Variants in STK10 observed in about 807,000 individuals in gnomAD.
The protein encoded by STK10 is serine/threonine kinase 10.
In STK10, 78 loss-of-function variants were observed where a neutral mutation model predicts 113.8. The ratio of observed to expected loss-of-function variants is 0.69; its 90% confidence interval spans 0.57 to 0.83. The LOEUF (loss-of-function observed/expected upper bound fraction) is 0.83, where lower values mean the gene tolerates loss of function less well. Ranked by LOEUF, STK10 falls within the 40% of genes least tolerant of loss-of-function variation. The pLI, the probability that STK10 is intolerant of heterozygous loss-of-function variation, is 0.00. For synonymous variants in STK10, 465 were observed against 494.7 expected, an observed-to-expected ratio of 0.94 and a Z score of 0.80; for missense variants, 1,109 against 1,280.1, an observed-to-expected ratio of 0.87 and a Z score of 2.04.
chr5:172,119,589 G>A (rs191662412), intron 3 of STK10, among the ~76,000 whole-genome samples: 1 of 152,222 alleles, frequency 6.6e-6, no homozygotes, highest in Admixed American at 6.5e-5. Flanking sequence ...AATAGGCCAG[G>A]CGCGGTGGCT....
In STK10 at chr5:172,120,972, T is replaced by TGA. The variant is rs1769498593; in HGVS notation, c.371-3344_371-3343dup. On this transcript the variant is annotated intron_variant, in intron 3 of 18. Transcript: ENST00000176763. The surrounding 1 kb of genome is among the most constrained non-coding windows in gnomAD (Gnocchi z 4.0). ...TCATTTAATCCTCGCAGTAACCCAG[T>TGA]GAGGTGGGAAGGAGATACTCTTTAA... Among the ~76,000 whole-genome samples the TGA allele has an allele frequency of 6.6e-6, 1 of 151,932 alleles. No homozygotes were observed. The highest frequency in any genetic ancestry group is 6.6e-5 in the Admixed American group (1 of 15,236).
chr5:172,083,925 G>GAAAAAAAAAAAAAAAAAAAAAAAAAA (rs58326550), intron 10 of STK10, among the ~76,000 whole-genome samples: 1 of 85,768 alleles, frequency 1.2e-5, no homozygotes, highest in African/African-American at 3.5e-5. Context: ...ACAAAAAAAA[G>GAAAAAAAAAAAAAAAAAAAAAAAAAA]AAAAAAAAAA....
chr5:172,057,510 ACAAC>A (rs1767832786), intron 14 of STK10, 37 bp from the exon 15 acceptor site: 1 of 1,533,308 alleles, frequency 6.5e-7, no homozygotes, highest in African/African-American at 1.4e-5. Context: ...TGAGGTGCTG[ACAAC>A]CAGAGACTCG....
At chr5:172,116,803 G>A (rs900626337) in intron 4 of STK10, among the ~76,000 whole-genome samples, 1 of 152,146 alleles carries the variant, frequency 6.6e-6, no homozygotes, top group African/African-American at 2.4e-5. Flanking sequence ...AGGAGGTGGA[G>A]GTTGCAGTGA....
chr5:172,183,687 C>T (rs1561838269), intron 1 of STK10, among the ~76,000 whole-genome samples: 1 of 152,176 alleles, frequency 6.6e-6, no homozygotes, highest in East Asian at 1.9e-4. Context: ...GAACTCCTGA[C>T]GTCAAGTGAT....
At chr5:172,185,024 C>A (rs73314196) in intron 1 of STK10, among the ~76,000 whole-genome samples, 2,963 of 152,136 alleles carry the variant, frequency 0.019, 89 homozygotes, top group African/African-American at 0.063. Flanking sequence ...GAGACAGTAT[C>A]GATTGTGGAT....
intron 12 of STK10, among the ~76,000 whole-genome samples, chr5:172,067,379 A>C (rs1281214643): frequency 2.0e-5 from 1 of 50,880 alleles, no homozygotes; most frequent in Non-Finnish European, 3.7e-5. Context: ...TAGAATAAAT[A>C]AATAAATAAA....
chr5:172,166,918 T>G (rs1227863345), intron 1 of STK10, among the ~76,000 whole-genome samples: 2 of 151,394 alleles, frequency 1.3e-5, no homozygotes, highest in Non-Finnish European at 2.9e-5. Context: ...TCCCAGCACT[T>G]TGAGGGGCTG....
chr5:172,152,378 C>A (rs181874973), intron 2 of STK10, among the ~76,000 whole-genome samples: 1 of 152,264 alleles, frequency 6.6e-6, no homozygotes, highest in Admixed American at 6.5e-5. Flanking sequence ...AAAAGAGATC[C>A]CCCGGCCATT....
chr5:172,061,970 C>CTTTTCTT lies in STK10; in HGVS notation c.2083-709_2083-703dup, dbSNP rs1767946483. 8.0e-5 allele frequency among the ~76,000 whole-genome samples: 12 copies of CTTTTCTT among 150,682 alleles called. 1 individual carries two copies. In the South Asian group the frequency reaches 2.5e-3, roughly 32 times the overall value. On this transcript the variant is annotated intron_variant, in intron 13 of 18. Transcript: ENST00000176763. ...GTTCATTATACCTATTCCCATGTTA[C>CTTTTCTT]TTTTCTTTTTTCTTTTTTTTTTTTT...
At chr5:172,111,575 C>T (rs1769238538) in intron 4 of STK10, among the ~76,000 whole-genome samples, 1 of 152,206 alleles carries the variant, frequency 6.6e-6, no homozygotes, top group East Asian at 1.9e-4. Flanking sequence ...AAGGGAGTGT[C>T]CCTTGATAGC....
At chr5:172,050,663 A>C (rs1581129701) in intron 18 of STK10, among the ~76,000 whole-genome samples, 1 of 152,358 alleles carries the variant, frequency 6.6e-6, no homozygotes, top group Non-Finnish European at 1.5e-5. Flanking sequence ...AGCAAAAATG[A>C]GAACTTTGGA....
At chr5:172,053,085 G>C (rs1019297585) in intron 17 of STK10, 43 bp from the exon 18 acceptor site, 1 of 1,556,348 alleles carries the variant, frequency 6.4e-7, no homozygotes, top group Non-Finnish European at 8.8e-7. Flanking sequence ...ATCAGAAGAC[G>C]CAGGCCCTGA....
intron 1 of STK10, among the ~76,000 whole-genome samples, chr5:172,159,402 C>G (rs947101298): frequency 2.6e-5 from 4 of 152,154 alleles, no homozygotes; most frequent in Non-Finnish European, 5.9e-5. Context: ...ACTAGCCAGG[C>G]ATGATGGCAT....
intron 13 of STK10, 94 bp downstream of exon 13, chr5:172,064,626 G>A: frequency 2.3e-6 from 3 of 1,309,990 alleles, no homozygotes; most frequent in Admixed American, 3.4e-5. Flanking sequence ...GGTATTTGAG[G>A]GGCAGGGATT....
At chr5:172,086,675 C>G (rs1478297723) in intron 10 of STK10, among the ~76,000 whole-genome samples, 1 of 152,228 alleles carries the variant, frequency 6.6e-6, no homozygotes, top group Non-Finnish European at 1.5e-5. Context: ...TCAGGTATGA[C>G]CAGGGGCCTG....
chr5:172,051,591 C>T (rs1273431495), intron 18 of STK10, among the ~76,000 whole-genome samples: 3 of 152,170 alleles, frequency 2.0e-5, no homozygotes, highest in Non-Finnish European at 2.9e-5. Flanking sequence ...CACCACCGCA[C>T]TCCAGCCTTG....
chr5:172,149,747 G>A (rs1352400661), intron 2 of STK10, among the ~76,000 whole-genome samples: 2 of 152,158 alleles, frequency 1.3e-5, no homozygotes, highest in Admixed American at 1.3e-4. Context: ...GGCAGACTCC[G>A]TTGAAAGACC....
rs561678985 is a variant in STK10, at chr5:172,182,159, CG to C, written c.156+5727del. On this transcript the variant is annotated intron_variant, in intron 1 of 18. Transcript: ENST00000176763. ...CTCTACTAAAAATACAAAAATTAGC[CG>C]GGTGTGGCGGTGCGCACCTGTAATC... Among the ~76,000 whole-genome samples the C allele has an allele frequency of 1.1e-4, 16 of 151,770 alleles. No homozygotes were observed. In the East Asian group the frequency reaches 3.1e-3, roughly 30 times the overall value.
Sources: gnomAD v4.1 joint callset for allele counts (sites outside exome capture counted in the v4.1 genomes callset) on GRCh38, gnomAD v4.1.1 for gene constraint, Gnocchi (gnomAD v3.1) non-coding constraint, MANE v1.5 for transcripts, NCBI Gene and HGNC (gene_info 2026-07-23, HGNC 2026-07-21) for gene names.